The following UNC13C variants were observed in gnomAD, a reference collection of about 807,000 sequenced individuals.
UNC13C encodes the protein unc-13 homolog C, also known as protein unc-13 homolog C.
UNC13C carries 174 observed loss-of-function variants against 245.4 expected under a neutral mutation model. The observed-to-expected ratio is 0.71, with a 90% CI of 0.63 to 0.80. UNC13C has a LOEUF of 0.80. Among genes scored for constraint, UNC13C ranks in the 30% least tolerant of loss-of-function variants. UNC13C has a pLI of 0.00. For missense variants in UNC13C, 2,829 were observed against 2,602.9 expected, an observed-to-expected ratio of 1.09 and a Z score of -1.89; for synonymous variants, 992 against 895.1, an observed-to-expected ratio of 1.11 and a Z score of -1.93.
intron 4 of UNC13C, among the ~76,000 whole-genome samples, chr15:54,178,392 T>G (rs1442106524): frequency 6.6e-6 from 1 of 152,120 alleles, no homozygotes; most frequent in African/African-American, 2.4e-5. Flanking sequence ...TCGATGGATA[T>G]TTAAGATGTA....
chr15:54,556,253 A>T (rs945842107), intron 29 of UNC13C, among the ~76,000 whole-genome samples: 4 of 152,102 alleles, frequency 2.6e-5, no homozygotes, highest in African/African-American at 9.7e-5. Flanking sequence ...ACTATCCAAG[A>T]TATGTGAATA....
the UNC13C span, among the ~76,000 whole-genome samples, chr15:53,932,816 T>C: frequency 1.3e-5 from 2 of 152,344 alleles, no homozygotes; most frequent in African/African-American, 4.8e-5. Context: ...AGGTCAAATC[T>C]CTTTTCAGAA....
chr15:53,910,620 C>G, the UNC13C span: 1 of 145,508 alleles, frequency 6.9e-6, no homozygotes, highest in African/African-American at 2.4e-5. Flanking sequence ...TCGGCTTGAT[C>G]GTGCCCAGAG....
At chr15:54,225,778 T>A (rs935941163) in intron 4 of UNC13C, among the ~76,000 whole-genome samples, 1 of 152,188 alleles carries the variant, frequency 6.6e-6, no homozygotes, top group Non-Finnish European at 1.5e-5. Context: ...CTTCTTGTCT[T>A]CCCATTTGAA....
At chr15:54,587,331 T>C (rs1898546589) in intron 30 of UNC13C, among the ~76,000 whole-genome samples, 2 of 152,206 alleles carry the variant, frequency 1.3e-5, no homozygotes, top group Non-Finnish European at 2.9e-5. Context: ...GTGAAACATT[T>C]ATATGACTGA....
chr15:54,217,378 G>A (rs183129223), intron 4 of UNC13C, among the ~76,000 whole-genome samples: 7 of 152,034 alleles, frequency 4.6e-5, no homozygotes, highest in Admixed American at 3.3e-4. Context: ...GGAACAAAGC[G>A]TAGTCAGAAG....
At chr15:54,218,477 G>C (rs144122036) in intron 4 of UNC13C, among the ~76,000 whole-genome samples, 189 of 152,074 alleles carry the variant, frequency 1.2e-3, no homozygotes, top group African/African-American at 4.5e-3. Flanking sequence ...AGAGGGAATG[G>C]TGGAGTAAAA....
At chr15:54,314,506 T>C (rs568025958) in intron 13 of UNC13C, among the ~76,000 whole-genome samples, 1 of 151,702 alleles carries the variant, frequency 6.6e-6, no homozygotes, top group Admixed American at 6.6e-5. Context: ...TGGTGGATGG[T>C]TAAGAAGGAG....
chr15:54,292,108 A>G lies in UNC13C; in HGVS notation c.3819-1787A>G, dbSNP rs1313337832. 2.0e-5 allele frequency among the ~76,000 whole-genome samples: 3 copies of G among 152,006 alleles called. No homozygotes were observed. In the East Asian group the frequency reaches 5.8e-4, roughly 29 times the overall value. On this transcript the variant is annotated intron_variant, in intron 10 of 32. Transcript: ENST00000260323. The stretch of plus-strand genomic sequence containing the variant: ...CAGGTGATGTAATTTTTCAAAATGG[A>G]AAGGAAGCCTTGGTGAAGTTCTTAA...
At chr15:54,597,988 G>A (rs1899192372) in intron 30 of UNC13C, among the ~76,000 whole-genome samples, 1 of 152,164 alleles carries the variant, frequency 6.6e-6, no homozygotes, top group Non-Finnish European at 1.5e-5. Flanking sequence ...GGAATATGAT[G>A]CCTATTTTAG....
intron 2 of UNC13C, among the ~76,000 whole-genome samples, chr15:54,098,636 C>A (rs1308455405): frequency 6.6e-6 from 1 of 152,098 alleles, no homozygotes; most frequent in East Asian, 1.9e-4. Context: ...GAAACACCAG[C>A]ATAAGATAAA....
At chr15:54,001,778 C>T (rs916860934) in intron 1 of UNC13C, among the ~76,000 whole-genome samples, 6 of 152,158 alleles carry the variant, frequency 3.9e-5, no homozygotes, top group African/African-American at 1.4e-4. Context: ...TCAAAGTGCT[C>T]CGTGGGGACA....
At chr15:54,575,404 C>T (rs560843400) in intron 30 of UNC13C, among the ~76,000 whole-genome samples, 11 of 152,276 alleles carry the variant, frequency 7.2e-5, no homozygotes, top group African/African-American at 2.2e-4. Context: ...ATCATACCAC[C>T]TAATGAAAGC....
intron 18 of UNC13C, among the ~76,000 whole-genome samples, chr15:54,404,584 A>G (rs1441941130): frequency 6.6e-6 from 1 of 152,142 alleles, no homozygotes; most frequent in Non-Finnish European, 1.5e-5. Flanking sequence ...TCTACCTTAG[A>G]GAATTTAATT....
intron 17 of UNC13C, among the ~76,000 whole-genome samples, chr15:54,382,353 C>T (rs1454369633): frequency 6.6e-6 from 1 of 152,132 alleles, no homozygotes; most frequent in African/African-American, 2.4e-5. Flanking sequence ...ACTTGGGAGG[C>T]AGAGGCAGGC....
At chr15:54,000,904 G>A (rs1379666952) in intron 1 of UNC13C, among the ~76,000 whole-genome samples, 4 of 152,036 alleles carry the variant, frequency 2.6e-5, no homozygotes, top group Non-Finnish European at 4.4e-5. Context: ...TTTAGCAAAG[G>A]ACATATTTTT....
intron 14 of UNC13C, among the ~76,000 whole-genome samples, chr15:54,322,413 A>G (rs1198220886): frequency 1.3e-5 from 2 of 152,032 alleles, no homozygotes; most frequent in Non-Finnish European, 2.9e-5. Context: ...TCAACATTTC[A>G]GATTCACTGT....
At chr15:53,842,380 G>T in the UNC13C span, among the ~76,000 whole-genome samples, 7 of 152,078 alleles carry the variant, frequency 4.6e-5, no homozygotes, top group African/African-American at 9.7e-5. Flanking sequence ...TACCTTTGGG[G>T]AAATTATCTC....
At chr15:54,187,955 G>GCCCACCAC (rs2141318694) in intron 4 of UNC13C, among the ~76,000 whole-genome samples, 1 of 151,998 alleles carries the variant, frequency 6.6e-6, no homozygotes, top group East Asian at 1.9e-4. Flanking sequence ...GATTGCAGGC[G>GCCCACCAC]CCCACCACCC....
Sources: allele counts gnomAD v4.1 joint callset (sites outside exome capture counted in the v4.1 genomes callset), GRCh38; gene constraint gnomAD v4.1.1; transcripts MANE v1.5; gene names NCBI Gene and HGNC (gene_info 2026-07-23, HGNC 2026-07-21).